The following NTN1 variants were observed in gnomAD, a reference collection of about 807,000 sequenced individuals.
NTN1 encodes the protein netrin-1.
A neutral mutation model predicts 54.2 loss-of-function variants in NTN1; 11 were observed. The ratio of observed to expected loss-of-function variants is 0.20; its 90% CI spans 0.13 to 0.34. NTN1 has a LOEUF of 0.34. NTN1 is among the 10% of genes least tolerant of loss of function. NTN1 has a pLI of 1.00. For missense variants in NTN1, 740 were observed against 893.1 expected, an observed-to-expected ratio of 0.83 and a Z score of 2.18; for synonymous variants, 371 against 382.0, an observed-to-expected ratio of 0.97 and a Z score of 0.33.
At chr17:9,110,956 A>G (rs1209575403) in intron 2 of NTN1, among the ~76,000 whole-genome samples, 4 of 100,150 alleles carry the variant, frequency 4.0e-5, no homozygotes, top group African/African-American at 1.7e-4. Flanking sequence ...TTTTTTTGAG[A>G]TGGAGTCTTA....
chr17:9,227,635 A>ACCAT (rs60638760), intron 6 of NTN1, among the ~76,000 whole-genome samples: 2 of 13,052 alleles, frequency 1.5e-4, no homozygotes, highest in Admixed American at 1.8e-3. Flanking sequence ...TATCACGCAC[A>ACCAT]CACATCAAAC....
chr17:9,079,635 A>G (rs2142222966), intron 2 of NTN1, among the ~76,000 whole-genome samples: 1 of 151,912 alleles, frequency 6.6e-6, no homozygotes, highest in South Asian at 2.1e-4. Flanking sequence ...GTTCCCCAGC[A>G]GGCCTGTTTC....
chr17:9,208,952 A>G (rs1905032999), intron 5 of NTN1, among the ~76,000 whole-genome samples: 1 of 152,206 alleles, frequency 6.6e-6, no homozygotes, highest in Non-Finnish European at 1.5e-5. Flanking sequence ...CCTGGCCTCA[A>G]GAGGCCCCAG....
intron 2 of NTN1, among the ~76,000 whole-genome samples, chr17:9,061,439 C>T (rs866072558): frequency 6.6e-6 from 1 of 152,030 alleles, no homozygotes; most frequent in African/African-American, 2.4e-5. Context: ...GGAGCAGAGA[C>T]CGGGTATGGG....
At chr17:9,183,576 A>T (rs536739978) in intron 5 of NTN1, 6 of 294,272 alleles carry the variant, frequency 2.0e-5, no homozygotes, top group Non-Finnish European at 3.4e-5. Flanking sequence ...AATATCGTTC[A>T]TGCTGGTTAT....
the NTN1 span, among the ~76,000 whole-genome samples, chr17:9,006,190 G>C: frequency 2.0e-5 from 3 of 151,474 alleles, no homozygotes; most frequent in South Asian, 2.1e-4. Context: ...GGTGGGTAGT[G>C]GGGGGGACAA....
chr17:9,060,597 T>C (rs1382796613), intron 2 of NTN1, among the ~76,000 whole-genome samples: 1 of 152,164 alleles, frequency 6.6e-6, no homozygotes, highest in Non-Finnish European at 1.5e-5. Context: ...GGTTTTAACA[T>C]TGGGCTTCAG....
chr17:9,235,166 T>C (rs538432351), intron 6 of NTN1, among the ~76,000 whole-genome samples: 12 of 152,218 alleles, frequency 7.9e-5, no homozygotes, highest in African/African-American at 2.9e-4. Context: ...GGTTTCACCA[T>C]GTTGGCTAGG....
At chr17:9,066,282 A>G (rs1284903429) in intron 2 of NTN1, among the ~76,000 whole-genome samples, 1 of 152,174 alleles carries the variant, frequency 6.6e-6, no homozygotes, top group Non-Finnish European at 1.5e-5. Flanking sequence ...AAAAGATATC[A>G]TAAAGACATC....
At chr17:9,003,345 C>A in the NTN1 span, among the ~76,000 whole-genome samples, 1 of 151,954 alleles carries the variant, frequency 6.6e-6, no homozygotes, top group South Asian at 2.1e-4. The surrounding 1 kb of genome is among the most constrained non-coding windows in gnomAD (Gnocchi z 7.4). Flanking sequence ...CTGGGGGCGG[C>A]CATCCCGGGC....
At chr17:9,139,836 TCATC>T (rs1045038867) in intron 2 of NTN1, among the ~76,000 whole-genome samples, 4 of 152,158 alleles carry the variant, frequency 2.6e-5, no homozygotes, top group Admixed American at 6.5e-5. Context: ...CATCATCTGT[TCATC>T]CATCCATTCA....
At chr17:9,235,350 C>T (rs1383244505) in intron 6 of NTN1, among the ~76,000 whole-genome samples, 1 of 152,216 alleles carries the variant, frequency 6.6e-6, no homozygotes, top group Non-Finnish European at 1.5e-5. Context: ...GCAATCTCAT[C>T]TCCTTTCTGA....
intron 5 of NTN1, among the ~76,000 whole-genome samples, chr17:9,186,993 G>A (rs970317562): frequency 1.3e-5 from 2 of 152,076 alleles, no homozygotes; most frequent in African/African-American, 4.8e-5. Flanking sequence ...TCCCTCTCTC[G>A]GATTCTTCAT....
At chr17:9,019,224 A>G (rs1217604079), upstream of NTN1, among the ~76,000 whole-genome samples, 4 of 152,248 alleles carry the variant, frequency 2.6e-5, no homozygotes, top group African/African-American at 9.6e-5. Context: ...CTGAGAGCAT[A>G]CAAGCAAAGA....
intron 2 of NTN1, among the ~76,000 whole-genome samples, chr17:9,054,953 G>A (rs959407196): frequency 1.3e-5 from 2 of 152,316 alleles, no homozygotes; most frequent in African/African-American, 4.8e-5. Context: ...GGTTTTAATG[G>A]ACAGTGTAAA....
chr17:9,077,519 A>G (rs376226268), intron 2 of NTN1, among the ~76,000 whole-genome samples: 1 of 152,226 alleles, frequency 6.6e-6, no homozygotes, highest in Non-Finnish European at 1.5e-5. Flanking sequence ...AAATGGAGAT[A>G]ATAGTCCCCA....
chr17:9,185,160 G>A (rs2092429553), intron 5 of NTN1, among the ~76,000 whole-genome samples: 2 of 152,158 alleles, frequency 1.3e-5, no homozygotes, highest in African/African-American at 4.8e-5. Flanking sequence ...GGATGCCCAG[G>A]GTGTCTGATG....
chr17:9,017,350 G>A (rs2091834044), upstream of NTN1, among the ~76,000 whole-genome samples: 1 of 152,056 alleles, frequency 6.6e-6, no homozygotes, highest in African/African-American at 2.4e-5. Context: ...ACCACTCCCT[G>A]CAACCACTAG....
At chr17:9,173,408 G>C (rs2092392500) in intron 3 of NTN1, 1 of 152,558 alleles carries the variant, frequency 6.6e-6, no homozygotes, top group Admixed American at 6.5e-5. Context: ...ACCCACCAGA[G>C]ATATGGGGAC....
Sources: allele counts gnomAD v4.1 joint callset (sites outside exome capture counted in the v4.1 genomes callset), GRCh38; gene constraint gnomAD v4.1.1; non-coding constraint Gnocchi (gnomAD v3.1); transcripts MANE v1.5; gene names NCBI Gene and HGNC (gene_info 2026-07-23, HGNC 2026-07-21).